The following ELAVL2 variants were observed in gnomAD, a reference collection of about 807,000 sequenced individuals.
ELAVL2 encodes the protein ELAV-like protein 2.
A neutral mutation model predicts 34.6 loss-of-function variants in ELAVL2; 4 were observed. The observed-to-expected ratio is 0.12, with a 90% confidence interval of 0.06 to 0.26. The LOEUF (loss-of-function observed/expected upper bound fraction) is 0.26. Among genes scored for constraint, ELAVL2 ranks in the 10% least tolerant of loss-of-function variants. ELAVL2 has a pLI of 1.00. For synonymous variants in ELAVL2, 193 were observed against 154.8 expected (o/e 1.25, Z -1.83); for missense variants, 432 against 442.8 (o/e 0.98, Z 0.22).
chr9:23,807,266 T>C (rs2062359703), intron 1 of ELAVL2, among the ~76,000 whole-genome samples: 1 of 152,170 alleles, frequency 6.6e-6, no homozygotes, highest in African/African-American at 2.4e-5. Flanking sequence ...TTCACTGTAC[T>C]GTTTAGGTCT....
At chr9:23,775,990 C>A (rs889019134) in intron 1 of ELAVL2, among the ~76,000 whole-genome samples, 1 of 152,094 alleles carries the variant, frequency 6.6e-6, no homozygotes, top group African/African-American at 2.4e-5. Flanking sequence ...AAGACAGATC[C>A]ATAAAGAGAA....
chr9:23,738,539 G>A (rs937743063), intron 2 of ELAVL2, among the ~76,000 whole-genome samples: 9 of 152,078 alleles, frequency 5.9e-5, no homozygotes, highest in Admixed American at 6.6e-5. Flanking sequence ...CATTACCAGG[G>A]ATTATCACAA....
intron 1 of ELAVL2, among the ~76,000 whole-genome samples, chr9:23,779,063 C>A (rs1476973580): frequency 6.6e-6 from 1 of 152,130 alleles, no homozygotes; most frequent in Non-Finnish European, 1.5e-5. Flanking sequence ...GTGAGTAGGG[C>A]AGCACACAAA....
intron 4 of ELAVL2, among the ~76,000 whole-genome samples, chr9:23,704,051 G>C (rs113688210): frequency 0.049 from 7,467 of 152,002 alleles, 599 homozygotes; most frequent in African/African-American, 0.17. Flanking sequence ...TCCTGCCTCA[G>C]CCTCCTGAGT....
chr9:23,697,511 G>C (rs1368838106), intron 5 of ELAVL2, among the ~76,000 whole-genome samples: 2 of 152,122 alleles, frequency 1.3e-5, no homozygotes, highest in Non-Finnish European at 2.9e-5. Context: ...TTTGATTAGA[G>C]TTTATAATTT....
chr9:23,822,038 C>T (rs1193002752), intron 1 of ELAVL2, among the ~76,000 whole-genome samples: 4 of 151,896 alleles, frequency 2.6e-5, no homozygotes, highest in Non-Finnish European at 5.9e-5. Flanking sequence ...ACCAGGCTTC[C>T]CCGACAAGGT....
intron 2 of ELAVL2, 142 bp downstream of exon 2, chr9:23,761,864 A>C: frequency 8.5e-7 from 1 of 1,175,650 alleles, no homozygotes; most frequent in Non-Finnish European, 1.1e-6. Context: ...ACTAAGTTTC[A>C]TATTGCTGAT....
At chr9:23,750,080 C>A (rs1411614685) in intron 2 of ELAVL2, among the ~76,000 whole-genome samples, 1 of 150,192 alleles carries the variant, frequency 6.7e-6, no homozygotes, top group Non-Finnish European at 1.5e-5. Flanking sequence ...ACTATAAAGG[C>A]TAGGAAAGAA....
chr9:23,827,686 T>C (rs2065367739), upstream of ELAVL2, among the ~76,000 whole-genome samples: 1 of 152,076 alleles, frequency 6.6e-6, no homozygotes, highest in African/African-American at 2.4e-5. Context: ...GAGTTAGAGA[T>C]TGCAAAAGGG....
intron 2 of ELAVL2, among the ~76,000 whole-genome samples, chr9:23,748,355 A>C (rs543394450): frequency 1.3e-5 from 2 of 152,266 alleles, no homozygotes; most frequent in African/African-American, 4.8e-5. Flanking sequence ...GATGTTACAC[A>C]CTGTGTCCTG....
intron 1 of ELAVL2, among the ~76,000 whole-genome samples, chr9:23,823,899 G>T (rs2065114117): frequency 6.6e-6 from 1 of 152,184 alleles, no homozygotes; most frequent in Non-Finnish European, 1.5e-5. Context: ...GTAGGCCTGG[G>T]AAATAAAACA....
chr9:23,781,072 A>T (rs2058996299), intron 1 of ELAVL2, among the ~76,000 whole-genome samples: 1 of 152,222 alleles, frequency 6.6e-6, no homozygotes, highest in South Asian at 2.1e-4. Context: ...TGTTATGTTC[A>T]TAACTTCCCT....
chr9:23,708,769 G>A (rs1447918548), intron 3 of ELAVL2, among the ~76,000 whole-genome samples: 1 of 152,078 alleles, frequency 6.6e-6, no homozygotes, highest in African/African-American at 2.4e-5. Flanking sequence ...AGCCTTCCAA[G>A]TAGCTGGGAT....
intron 3 of ELAVL2, among the ~76,000 whole-genome samples, chr9:23,730,498 A>C (rs2046267501): frequency 6.6e-6 from 1 of 152,142 alleles, no homozygotes; most frequent in African/African-American, 2.4e-5. Flanking sequence ...ACTTGGAAAA[A>C]ATAAAAAGAA....
chr9:23,828,556 C>A (rs1170988759), upstream of ELAVL2, among the ~76,000 whole-genome samples: 3 of 152,012 alleles, frequency 2.0e-5, no homozygotes, highest in Non-Finnish European at 4.4e-5. Flanking sequence ...AAAGAAATTA[C>A]ATGGAAAATA....
chr9:23,736,462 A>G (rs1169112372), intron 2 of ELAVL2, among the ~76,000 whole-genome samples: 1 of 152,130 alleles, frequency 6.6e-6, no homozygotes, highest in East Asian at 1.9e-4. Flanking sequence ...AGGAGAAAAA[A>G]GCAGCAGGGG....
At chr9:23,770,614 G>T (rs771427329) in intron 1 of ELAVL2, among the ~76,000 whole-genome samples, 1 of 152,148 alleles carries the variant, frequency 6.6e-6, no homozygotes, top group Non-Finnish European at 1.5e-5. Context: ...GGCTTTAAAT[G>T]GGGCCACCAG....
intron 2 of ELAVL2, among the ~76,000 whole-genome samples, chr9:23,734,318 T>C (rs920557722): frequency 6.6e-6 from 1 of 152,192 alleles, no homozygotes; most frequent in African/African-American, 2.4e-5. Context: ...AGCTACATGG[T>C]ATTTTACTGT....
chr9:23,765,093 T>G (rs367899073), intron 1 of ELAVL2: 53 of 1,599,460 alleles, frequency 3.3e-5, no homozygotes, highest in Non-Finnish European at 4.4e-5. Context: ...TAGTTTGGAG[T>G]TGCCGTCTGC....
Sources: allele counts gnomAD v4.1 joint callset (sites outside exome capture counted in the v4.1 genomes callset), GRCh38; gene constraint gnomAD v4.1.1; transcripts MANE v1.5; gene names NCBI Gene and HGNC (gene_info 2026-07-23, HGNC 2026-07-21).